The following TOX variants were observed in gnomAD, a reference collection of about 807,000 sequenced individuals.
TOX encodes thymocyte selection-associated high mobility group box protein TOX.
A neutral mutation model predicts 53.7 loss-of-function variants in TOX; 11 were observed. The observed-to-expected ratio is 0.20, with a 90% CI of 0.13 to 0.34. The LOEUF (loss-of-function observed/expected upper bound fraction) is 0.34, where lower values mean the gene tolerates loss of function less well. Among genes scored for constraint, TOX ranks in the 10% least tolerant of loss-of-function variants. The probability of loss-of-function intolerance (pLI) is 1.00; values close to 1 mark genes in which losing one functional copy is unlikely to be tolerated. For synonymous variants in TOX, 225 were observed against 245.3 expected, an observed-to-expected ratio of 0.92 and a Z score of 0.77; for missense variants, 570 against 664.6, an observed-to-expected ratio of 0.86 and a Z score of 1.56.
At chr8:58,915,731 G>A (rs1019115572) in intron 3 of TOX, among the ~76,000 whole-genome samples, 7 of 151,954 alleles carry the variant, frequency 4.6e-5, no homozygotes, top group African/African-American at 1.7e-4. Context: ...AGAGAAGAAG[G>A]CTTCAGACGA....
intron 1 of TOX, among the ~76,000 whole-genome samples, chr8:58,972,966 T>C (rs2129179840): frequency 6.6e-6 from 1 of 152,332 alleles, no homozygotes; most frequent in South Asian, 2.1e-4. Context: ...TTAACGTTAT[T>C]TGAGATATTA....
intron 1 of TOX, among the ~76,000 whole-genome samples, chr8:59,110,020 A>G (rs947625487): frequency 6.6e-6 from 1 of 152,180 alleles, no homozygotes; most frequent in African/African-American, 2.4e-5. Flanking sequence ...TTAGTTTTGC[A>G]GTAAATTTTT....
chr8:59,013,167 A>G (rs967918777), intron 1 of TOX, among the ~76,000 whole-genome samples: 15 of 152,170 alleles, frequency 9.9e-5, no homozygotes, highest in African/African-American at 3.6e-4. Context: ...CACTATCATA[A>G]AACTGCTCTT....
At chr8:59,070,798 G>C (rs556255420) in intron 1 of TOX, among the ~76,000 whole-genome samples, 6 of 152,276 alleles carry the variant, frequency 3.9e-5, no homozygotes, top group African/African-American at 1.4e-4. Flanking sequence ...GGAAATTGAT[G>C]AGGTGAATGG....
intron 3 of TOX, among the ~76,000 whole-genome samples, chr8:58,887,474 T>G (rs1170420233): frequency 6.6e-6 from 1 of 151,938 alleles, no homozygotes; most frequent in Non-Finnish European, 1.5e-5. Flanking sequence ...TCATTTTCTT[T>G]CTATCTTTTC....
chr8:59,026,473 G>A (rs1021966103), intron 1 of TOX, among the ~76,000 whole-genome samples: 1 of 152,108 alleles, frequency 6.6e-6, no homozygotes, highest in Admixed American at 6.5e-5. Flanking sequence ...TGGACTACAC[G>A]TGCATGTACT....
intron 1 of TOX, among the ~76,000 whole-genome samples, chr8:59,056,792 C>G (rs185240241): frequency 6.2e-4 from 94 of 152,280 alleles, no homozygotes; most frequent in Non-Finnish European, 1.0e-3. Context: ...CATAAGCCCA[C>G]ATGAAGAGCA....
At chr8:58,815,064 G>A (rs1298314573) in intron 7 of TOX, among the ~76,000 whole-genome samples, 1 of 151,770 alleles carries the variant, frequency 6.6e-6, no homozygotes, top group Non-Finnish European at 1.5e-5. Context: ...TTAGAAACAT[G>A]AAGCAAAATG....
At chr8:59,016,366 T>C (rs528954198) in intron 1 of TOX, among the ~76,000 whole-genome samples, 261 of 152,330 alleles carry the variant, frequency 1.7e-3, no homozygotes, top group Non-Finnish European at 2.5e-3. Context: ...AATTAAAGTA[T>C]CAATTTAATT....
chr8:58,974,937 CCCCT>C (rs1813063655), intron 1 of TOX, among the ~76,000 whole-genome samples: 1 of 151,844 alleles, frequency 6.6e-6, no homozygotes, highest in African/African-American at 2.4e-5. Context: ...AAGTGAGTAT[CCCCT>C]CAAGATGTTA....
chr8:59,093,397 T>C (rs1228234225), intron 1 of TOX, among the ~76,000 whole-genome samples: 2 of 152,210 alleles, frequency 1.3e-5, no homozygotes, highest in East Asian at 1.9e-4. Flanking sequence ...CAGGTGGTGG[T>C]AGGTGCTCAG....
At chr8:59,028,988 AATTT>A (rs1216090983) in intron 1 of TOX, among the ~76,000 whole-genome samples, 1 of 152,116 alleles carries the variant, frequency 6.6e-6, no homozygotes, top group Non-Finnish European at 1.5e-5. Context: ...GGCTTCAGGA[AATTT>A]ATTTGGTTTT....
chr8:58,989,672 G>GA (rs1279041062), intron 1 of TOX, among the ~76,000 whole-genome samples: 5 of 152,270 alleles, frequency 3.3e-5, no homozygotes, highest in Admixed American at 6.5e-5. Flanking sequence ...TATTTCTGCA[G>GA]AAAAAATTAA....
At chr8:58,993,660 A>G (rs1165278313) in intron 1 of TOX, among the ~76,000 whole-genome samples, 2 of 152,208 alleles carry the variant, frequency 1.3e-5, no homozygotes, top group Admixed American at 1.3e-4. Context: ...TTTCACTTCT[A>G]CCATGCCTTT....
At chr8:58,842,950 T>C (rs1228402940) in intron 4 of TOX, among the ~76,000 whole-genome samples, 1 of 152,258 alleles carries the variant, frequency 6.6e-6, no homozygotes, top group African/African-American at 2.4e-5. Context: ...AAGTATTTCA[T>C]GACTTCTGCC....
intron 1 of TOX, among the ~76,000 whole-genome samples, chr8:59,101,609 T>C (rs1804808109): frequency 6.6e-6 from 1 of 152,220 alleles, no homozygotes; most frequent in Non-Finnish European, 1.5e-5. Flanking sequence ...ATTACCTTGA[T>C]TTGGACAAAG....
chr8:59,054,951 G>C (rs1803863788), intron 1 of TOX, among the ~76,000 whole-genome samples: 1 of 139,558 alleles, frequency 7.2e-6, no homozygotes, highest in Non-Finnish European at 1.5e-5. Flanking sequence ...AGGAAAAAGA[G>C]AGGAGGGAGG....
intron 1 of TOX, among the ~76,000 whole-genome samples, chr8:58,989,832 G>A (rs1268860236): frequency 6.6e-6 from 1 of 152,158 alleles, no homozygotes; most frequent in Non-Finnish European, 1.5e-5. Context: ...CCTTCGCTCA[G>A]GACACTTTCT....
intron 1 of TOX, among the ~76,000 whole-genome samples, chr8:59,008,654 C>T (rs1408014647): frequency 1.3e-5 from 2 of 152,208 alleles, no homozygotes; most frequent in East Asian, 1.9e-4. Flanking sequence ...AGTCATACGT[C>T]CTGCAGGGTT....
Sources: gnomAD v4.1 joint callset for allele counts (sites outside exome capture counted in the v4.1 genomes callset) on GRCh38, gnomAD v4.1.1 for gene constraint, MANE v1.5 for transcripts, NCBI Gene and HGNC (gene_info 2026-07-23, HGNC 2026-07-21) for gene names.